CPXM2: variants seen among roughly 807,000 people sequenced by gnomAD.
The protein encoded by CPXM2 is carboxypeptidase X, M14 family member 2.
CPXM2 carries 66 observed loss-of-function variants against 86.1 expected under a neutral mutation model. The ratio of observed to expected loss-of-function variants is 0.77; its 90% CI spans 0.63 to 0.94. CPXM2 has a LOEUF of 0.94. Among genes scored for constraint, CPXM2 ranks in the 40% least tolerant of loss-of-function variants. The pLI is 0.00. For missense variants in CPXM2, 948 were observed against 1,026.3 expected (o/e 0.92, Z 1.04); for synonymous variants, 388 against 400.2 (o/e 0.97, Z 0.36).
intron 2 of CPXM2, among the ~76,000 whole-genome samples, chr10:123,916,988 G>A (rs796466140): frequency 1.2e-4 from 19 of 152,206 alleles, no homozygotes; most frequent in African/African-American, 4.1e-4. Context: ...GGGGTGAGTA[G>A]GGAGTGAGAA....
rs544914202 is a variant in CPXM2, at chr10:123,813,682, A to G, written c.654-14483T>C. On this transcript the variant is annotated intron_variant, in intron 4 of 13. Coordinates refer to ENST00000241305, the MANE Select transcript of CPXM2 (RefSeq NM_198148.3). ...ACATTGAAAGCATAAACTAAACATG[A>G]AATCTAGATCTTAGTGAATTTTTCT... Among the ~76,000 whole-genome samples, 5 of 152,360 alleles carry G rather than the reference A, an allele frequency of 3.3e-5. No individual in the cohort carries two copies. In the South Asian group the frequency reaches 1.0e-3, roughly 32 times the overall value.
rs373951692 is a variant in CPXM2 at position 123,858,532 on chromosome 10, T to C, written c.513+4082A>G. Reference sequence around the variant, plus strand: ...ATCATTAGGAGCAACAACTCAAGGTTTAAAGCTGCCTGGATTCTTAATCTG... The same window carrying C: ...ATCATTAGGAGCAACAACTCAAGGTCTAAAGCTGCCTGGATTCTTAATCTG... On this transcript the variant is annotated intron_variant, in intron 3 of 13. Transcript: ENST00000241305. Among the ~76,000 whole-genome samples the C allele has an allele frequency of 1.9e-4, 29 of 152,366 alleles. No homozygotes were observed. In the South Asian group the frequency reaches 5.8e-3, roughly 30 times the overall value.
chr10:123,892,974 C>T (rs535636132), upstream of CPXM2, among the ~76,000 whole-genome samples: 4 of 152,312 alleles, frequency 2.6e-5, no homozygotes, highest in African/African-American at 7.2e-5. Flanking sequence ...CACATCTTTC[C>T]GCCTTCCAGC....
At chr10:123,914,019 A>G (rs2134272827) in intron 2 of CPXM2, 1 of 496,668 alleles carries the variant, frequency 2.0e-6, no homozygotes, top group Non-Finnish European at 4.0e-6. Context: ...CTGGGGTTTC[A>G]GAATCCAACC....
At chr10:123,810,493 A>T (rs1162846566) in intron 4 of CPXM2, among the ~76,000 whole-genome samples, 1 of 152,114 alleles carries the variant, frequency 6.6e-6, no homozygotes, top group Non-Finnish European at 1.5e-5. Context: ...ATTATCCATA[A>T]AGGTAAAAAC....
At chr10:123,768,069 C>T (rs1846527004) in intron 9 of CPXM2, among the ~76,000 whole-genome samples, 1 of 152,214 alleles carries the variant, frequency 6.6e-6, no homozygotes, top group Non-Finnish European at 1.5e-5. Context: ...GTAGGCTTCC[C>T]TGCCTCAGCA....
chr10:123,889,482 G>A (rs887699401), intron 1 of CPXM2, among the ~76,000 whole-genome samples: 1 of 150,256 alleles, frequency 6.7e-6, no homozygotes, highest in Non-Finnish European at 1.5e-5. Context: ...GGGCTGGGGG[G>A]CAGGGAAGAG....
chr10:123,809,713 T>TAAGGAAGTATAA (rs763698751), intron 4 of CPXM2, among the ~76,000 whole-genome samples: 8,986 of 152,188 alleles, frequency 0.059, 312 homozygotes, highest in South Asian at 0.1. Flanking sequence ...ATCCTATTAT[T>TAAGGAAGTATAA]GTTAAGGAAG....
chr10:123,753,866 G>A (rs761463513), intron 13 of CPXM2, among the ~76,000 whole-genome samples: 2 of 152,122 alleles, frequency 1.3e-5, no homozygotes, highest in Non-Finnish European at 1.5e-5. Context: ...AGGGAATCAC[G>A]CGTACTAACC....
intron 2 of CPXM2, among the ~76,000 whole-genome samples, chr10:123,927,537 G>A (rs775530167): frequency 1.3e-5 from 2 of 152,118 alleles, no homozygotes; most frequent in East Asian, 1.9e-4. Flanking sequence ...GGAGACTAAC[G>A]CACCTTGCCC....
intron 4 of CPXM2, among the ~76,000 whole-genome samples, chr10:123,830,393 T>A (rs1420992641): frequency 6.6e-6 from 1 of 152,166 alleles, no homozygotes; most frequent in Non-Finnish European, 1.5e-5. Context: ...CAAGCAGCCA[T>A]CATCAGCTAC....
At position 123,818,064 on chromosome 10, in the gene CPXM2, G is replaced by C. The variant is rs376627959; in HGVS notation, c.654-18865C>G. Among the ~76,000 whole-genome samples the C allele has an allele frequency of 1.1e-4, 16 of 152,300 alleles. No homozygotes were observed. The East Asian group carries it at 1.2e-3, about 11-fold the overall frequency. ...GTTGGTGAAGAGAGGAAGAAATTTC[G>C]GGAGGAGGTATGTGGATGGACCTCT... On this transcript the variant is annotated intron_variant, in intron 4 of 13. Coordinates refer to ENST00000241305, the MANE Select transcript of CPXM2 (RefSeq NM_198148.3).
chr10:123,844,703 G>A (rs1021937508), intron 3 of CPXM2, among the ~76,000 whole-genome samples: 1 of 152,034 alleles, frequency 6.6e-6, no homozygotes, highest in Non-Finnish European at 1.5e-5. Flanking sequence ...ACATATGAAA[G>A]CCCTAAATTA....
upstream of CPXM2, among the ~76,000 whole-genome samples, chr10:123,892,311 C>T (rs1945289944): frequency 6.6e-6 from 1 of 152,090 alleles, no homozygotes; most frequent in Non-Finnish European, 1.5e-5. Context: ...GGAGCAGGGC[C>T]TAGGGACCCT....
intron 2 of CPXM2, among the ~76,000 whole-genome samples, chr10:123,869,592 A>G (rs764872414): frequency 3.3e-5 from 5 of 152,082 alleles, no homozygotes; most frequent in Admixed American, 6.5e-5. Context: ...AGAACACACC[A>G]CGCTGAGCAG....
intron 7 of CPXM2, 136 bp downstream of exon 7, chr10:123,780,031 G>T: frequency 1.5e-6 from 1 of 650,674 alleles, no homozygotes; most frequent in Non-Finnish European, 2.8e-6. Context: ...CATTTAGTGT[G>T]TCTTCAGCAA....
chr10:123,772,125 C>T (rs1297689995), intron 7 of CPXM2, among the ~76,000 whole-genome samples: 1 of 152,194 alleles, frequency 6.6e-6, no homozygotes, highest in Non-Finnish European at 1.5e-5. Context: ...GCTATCACCT[C>T]CCTGGTTGTG....
At chr10:123,873,839 A>G (rs1409376588) in intron 2 of CPXM2, among the ~76,000 whole-genome samples, 1 of 148,486 alleles carries the variant, frequency 6.7e-6, no homozygotes, top group Non-Finnish European at 1.5e-5. Context: ...AACAACAGAA[A>G]TTTATTTCTC....
intron 1 of CPXM2, among the ~76,000 whole-genome samples, chr10:123,888,391 A>G (rs996364984): frequency 2.0e-5 from 3 of 152,168 alleles, no homozygotes; most frequent in African/African-American, 4.8e-5. Flanking sequence ...TCAGTGCCTC[A>G]TACATAGCAT....
Sources: gnomAD v4.1 joint callset for allele counts (sites outside exome capture counted in the v4.1 genomes callset) on GRCh38, gnomAD v4.1.1 for gene constraint, MANE v1.5 for transcripts, NCBI Gene and HGNC (gene_info 2026-07-23, HGNC 2026-07-21) for gene names.